ENTREP2: variants seen among roughly 807,000 people sequenced by gnomAD.
ENTREP2 encodes protein ENTREP2.
At chr15:29,633,864 C>G in the ENTREP2 span, among the ~76,000 whole-genome samples, 7 of 151,968 alleles carry the variant, frequency 4.6e-5, no homozygotes, top group African/African-American at 1.7e-4. Context: ...GAGGCTGAGG[C>G]GAGAGAATCG....
chr15:29,653,512 C>T, the ENTREP2 span, among the ~76,000 whole-genome samples: 1 of 152,124 alleles, frequency 6.6e-6, no homozygotes, highest in African/African-American at 2.4e-5. Flanking sequence ...GCAGTTTCCC[C>T]AATGCTGTTC....
the ENTREP2 span, among the ~76,000 whole-genome samples, chr15:29,243,338 A>C: frequency 1.3e-5 from 2 of 152,230 alleles, no homozygotes; most frequent in African/African-American, 4.8e-5. Flanking sequence ...AATTAACAGT[A>C]AAAGGAAAGC....
the ENTREP2 span, among the ~76,000 whole-genome samples, chr15:29,157,906 T>C: frequency 6.6e-6 from 1 of 152,144 alleles, no homozygotes; most frequent in Non-Finnish European, 1.5e-5. Flanking sequence ...ATTTTTGTTA[T>C]TTTTAGTAGA....
chr15:29,622,148 G>A, the ENTREP2 span, among the ~76,000 whole-genome samples: 3 of 152,044 alleles, frequency 2.0e-5, no homozygotes, highest in Admixed American at 6.6e-5. Flanking sequence ...GCACAACACT[G>A]TGAATGTATT....
At chr15:29,522,188 A>G in the ENTREP2 span, among the ~76,000 whole-genome samples, 1 of 152,248 alleles carries the variant, frequency 6.6e-6, no homozygotes, top group African/African-American at 2.4e-5. Flanking sequence ...TGTAAAGGAA[A>G]GAATGGAAAC....
At chr15:29,530,083 G>T in the ENTREP2 span, among the ~76,000 whole-genome samples, 1 of 152,094 alleles carries the variant, frequency 6.6e-6, no homozygotes, top group Non-Finnish European at 1.5e-5. Context: ...TGGTTGGGGT[G>T]GTCTTTCCCG....
the ENTREP2 span, among the ~76,000 whole-genome samples, chr15:29,663,861 AT>A: frequency 2.6e-4 from 39 of 152,172 alleles, 1 homozygote; most frequent in African/African-American, 9.2e-4. Context: ...TTAAAGTATA[AT>A]TAAAAAAAAT....
At chr15:29,466,110 C>T in the ENTREP2 span, among the ~76,000 whole-genome samples, 2 of 152,188 alleles carry the variant, frequency 1.3e-5, no homozygotes, top group Non-Finnish European at 2.9e-5. Context: ...GTTTGAGGAT[C>T]AGGAAAACCA....
chr15:29,596,493 TAG>T, the ENTREP2 span, among the ~76,000 whole-genome samples: 1 of 152,146 alleles, frequency 6.6e-6, no homozygotes, highest in Admixed American at 6.5e-5. Context: ...TCAGCTAGAA[TAG>T]AGTGTGTATG....
chr15:29,196,451 G>A, the ENTREP2 span: 237 of 1,551,568 alleles, frequency 1.5e-4, no homozygotes, highest in Non-Finnish European at 2.0e-4. Context: ...GCCTCACAGC[G>A]TTGCAGTTCT....
At chr15:29,271,993 C>T in the ENTREP2 span, among the ~76,000 whole-genome samples, 2 of 152,194 alleles carry the variant, frequency 1.3e-5, no homozygotes, top group East Asian at 3.9e-4. Flanking sequence ...TGTACGTTAC[C>T]AAGCAGCCCA....
chr15:29,366,478 T>G, the ENTREP2 span, among the ~76,000 whole-genome samples: 1 of 152,158 alleles, frequency 6.6e-6, no homozygotes. Context: ...GCACGGTTCC[T>G]GACAAAGTAC....
At chr15:29,171,500 T>C in the ENTREP2 span, among the ~76,000 whole-genome samples, 19 of 152,292 alleles carry the variant, frequency 1.2e-4, no homozygotes, top group African/African-American at 3.6e-4. Context: ...TGTCTACAGC[T>C]GCAGGAGGTC....
the ENTREP2 span, among the ~76,000 whole-genome samples, chr15:29,229,414 C>T: frequency 1.3e-5 from 2 of 152,156 alleles, no homozygotes; most frequent in Non-Finnish European, 2.9e-5. Context: ...CTATACCTGA[C>T]ATTATCTTTG....
At chr15:29,223,978 T>C in the ENTREP2 span, among the ~76,000 whole-genome samples, 1 of 152,216 alleles carries the variant, frequency 6.6e-6, no homozygotes, top group Non-Finnish European at 1.5e-5. Flanking sequence ...TCCACCTCTG[T>C]ACTCAGAAGT....
chr15:29,493,129 T>C, the ENTREP2 span, among the ~76,000 whole-genome samples: 1 of 84,360 alleles, frequency 1.2e-5, no homozygotes, highest in African/African-American at 4.7e-5. Flanking sequence ...ACAACCCTTT[T>C]TTTTTTTTTT....
chr15:29,224,223 T>G, the ENTREP2 span, among the ~76,000 whole-genome samples: 3 of 152,102 alleles, frequency 2.0e-5, no homozygotes, highest in Admixed American at 6.5e-5. Flanking sequence ...TCTGGAGTTG[T>G]TCGTTCCTCC....
chr15:29,334,968 T>C, the ENTREP2 span, among the ~76,000 whole-genome samples: 1 of 152,114 alleles, frequency 6.6e-6, no homozygotes, highest in African/African-American at 2.4e-5. Context: ...TTTTGGACAT[T>C]CCATCGCAGC....
the ENTREP2 span, among the ~76,000 whole-genome samples, chr15:29,574,440 C>A: frequency 6.6e-6 from 1 of 152,156 alleles, no homozygotes; most frequent in African/African-American, 2.4e-5. Flanking sequence ...ACTACAGGCG[C>A]ACGCCCCCAT....
Sources: gnomAD v4.1 joint callset for allele counts (sites outside exome capture counted in the v4.1 genomes callset) on GRCh38, gnomAD v4.1.1 for gene constraint, MANE v1.5 for transcripts, NCBI Gene and HGNC (gene_info 2026-07-23, HGNC 2026-07-21) for gene names.